The following OMA1 variants were observed in gnomAD, a reference collection of about 807,000 sequenced individuals.
The protein encoded by OMA1 is metalloendopeptidase OMA1, mitochondrial.
A neutral mutation model predicts 30.9 loss-of-function variants in OMA1; 38 were observed. That is an observed-to-expected ratio of 1.23 (90% CI 0.95 to 1.61). The LOEUF (loss-of-function observed/expected upper bound fraction) is 1.61. Among genes scored for constraint, OMA1 ranks in the 40% most tolerant of loss-of-function variants. OMA1 has a pLI of 0.00. For synonymous variants in OMA1, 173 were observed against 121.9 expected, an observed-to-expected ratio of 1.42 and a Z score of -2.76; for missense variants, 461 against 349.2, an observed-to-expected ratio of 1.32 and a Z score of -2.55.
At chr1:58,494,662 GA>G (rs1283860895) in intron 8 of OMA1, among the ~76,000 whole-genome samples, 1 of 151,984 alleles carries the variant, frequency 6.6e-6, no homozygotes, top group Admixed American at 6.6e-5. Context: ...AAAGACACAT[GA>G]AAAAATGCTC....
chr1:58,518,006 G>A (rs1646184199), intron 7 of OMA1, among the ~76,000 whole-genome samples: 1 of 151,298 alleles, frequency 6.6e-6, no homozygotes. Context: ...GCCCAACATG[G>A]AGAAACCCCG....
chr1:58,493,959 AG>A (rs1645747649), intron 8 of OMA1, among the ~76,000 whole-genome samples: 1 of 146,714 alleles, frequency 6.8e-6, no homozygotes, highest in African/African-American at 2.5e-5. Flanking sequence ...CTCATTGCCA[AG>A]TCAATCCTAA....
chr1:58,514,930 C>T (rs1006316421), intron 7 of OMA1, among the ~76,000 whole-genome samples: 5 of 152,114 alleles, frequency 3.3e-5, no homozygotes, highest in Non-Finnish European at 5.9e-5. Context: ...TCAGGTTTAC[C>T]TATACCTCAC....
chr1:58,542,317 T>C (rs1215574006), intron 1 of OMA1, among the ~76,000 whole-genome samples: 1 of 152,244 alleles, frequency 6.6e-6, no homozygotes, highest in Non-Finnish European at 1.5e-5. Context: ...TCACAATTCA[T>C]ACTGGAGTAG....
intron 6 of OMA1, among the ~76,000 whole-genome samples, chr1:58,527,817 A>C (rs1051157907): frequency 2.0e-5 from 3 of 152,208 alleles, no homozygotes; most frequent in African/African-American, 7.2e-5. Flanking sequence ...AAATTATCTT[A>C]ATTTCCTTTT....
In OMA1 at chr1:58,506,153, A is replaced by G. The variant is rs749524865; in HGVS notation, c.1272T>C (p.Asp424=). 28 of 872,330 alleles carry G rather than the reference A, an allele frequency of 3.2e-5. 1 individual carries two copies. In the Admixed American group the frequency reaches 4.1e-4, roughly 13 times the overall value. 54.0% of individuals were successfully genotyped at this position (872,330 alleles called of 1,614,324 possible). The change falls in exon 8 of 9, where the codon GAT becomes GAC. Residue 424 remains aspartate (D), a synonymous_variant. Transcript: ENST00000371226. ...SVFWQQMEFV[D]SLHGQPKMPE... is the part of the protein sequence containing the mutation. ...GCATCTTGGGTTGGCCATGCAGGCT[A>G]TCAACGAACTCCATTTGCTGCCAAA...
At chr1:58,495,904 T>C (rs915178005) in intron 8 of OMA1, among the ~76,000 whole-genome samples, 2 of 152,322 alleles carry the variant, frequency 1.3e-5, no homozygotes, top group South Asian at 4.1e-4. Flanking sequence ...CCTTTTTACC[T>C]AGGTAGCTTG....
intron 7 of OMA1, among the ~76,000 whole-genome samples, chr1:58,520,325 C>T (rs1445279521): frequency 6.6e-6 from 1 of 152,182 alleles, no homozygotes; most frequent in Admixed American, 6.5e-5. Flanking sequence ...TGACAAAGAA[C>T]TTGCACCTAG....
intron 8 of OMA1, among the ~76,000 whole-genome samples, chr1:58,499,502 A>ATAGATAGATAGC (rs1645866236): frequency 6.8e-6 from 1 of 146,614 alleles, no homozygotes; most frequent in African/African-American, 2.6e-5. Flanking sequence ...AGATAGATAG[A>ATAGATAGATAGC]TAGATAAATA....
rs988420071 is a variant in OMA1 at position 58,488,602 on chromosome 1, C to G, written c.1366-7428G>C. 4.6e-5 allele frequency among the ~76,000 whole-genome samples: 7 copies of G among 152,282 alleles called. No homozygotes were observed. In the Middle Eastern group the frequency reaches 0.01, roughly 222 times the overall value. On this transcript the variant is annotated intron_variant, in intron 8 of 8. Coordinates refer to ENST00000371226, the MANE Select transcript of OMA1 (RefSeq NM_145243.5). ...GAGTAGCTGGGATTACAGGCATGAGCCACCATGTCTCGCTAATTTTTGTAT... is the reference window on the plus strand; with the variant it reads ...GAGTAGCTGGGATTACAGGCATGAGGCACCATGTCTCGCTAATTTTTGTAT...
intron 8 of OMA1, among the ~76,000 whole-genome samples, chr1:58,493,096 G>A (rs993276061): frequency 3.3e-5 from 5 of 152,178 alleles, no homozygotes; most frequent in Non-Finnish European, 5.9e-5. Context: ...TCCCTGGGAT[G>A]CAAGGCTGGT....
chr1:58,529,480 TTATACA>T (rs1402530396), intron 6 of OMA1, among the ~76,000 whole-genome samples: 1 of 152,240 alleles, frequency 6.6e-6, no homozygotes, highest in African/African-American at 2.4e-5. Context: ...GAGATGATTA[TTATACA>T]TAAGCACTAA....
At chr1:58,498,255 A>C (rs1364616594) in intron 8 of OMA1, among the ~76,000 whole-genome samples, 1 of 151,008 alleles carries the variant, frequency 6.6e-6, no homozygotes, top group Non-Finnish European at 1.5e-5. Flanking sequence ...AAAAAAAAAC[A>C]ACTTTTTCCA....
chr1:58,512,322 C>A (rs1004285331), intron 7 of OMA1, among the ~76,000 whole-genome samples: 1 of 152,030 alleles, frequency 6.6e-6, no homozygotes, highest in African/African-American at 2.4e-5. Context: ...ATGGTGTGGA[C>A]TTTATGAAAA....
chr1:58,537,871 A>G (rs1271762439), intron 2 of OMA1, among the ~76,000 whole-genome samples: 1 of 152,192 alleles, frequency 6.6e-6, no homozygotes, highest in Admixed American at 6.5e-5. Flanking sequence ...ATTTTAGGTG[A>G]TCAACAATAG....
At chr1:58,534,721 G>C (rs1646489933) in intron 3 of OMA1, among the ~76,000 whole-genome samples, 1 of 152,218 alleles carries the variant, frequency 6.6e-6, no homozygotes, top group Non-Finnish European at 1.5e-5. Context: ...GATCACCTCA[G>C]CTCAGAAGTT....
In OMA1 at chr1:58,539,066, T is replaced by G. The variant is rs759534014; in HGVS notation, c.229A>C (p.Lys77Gln). 1.1e-6 allele frequency: 1 copy of G among 872,848 alleles called. No homozygotes were observed. The highest frequency in any genetic ancestry group is 1.7e-5 in the Admixed American group (1 of 59,164). 54.1% of individuals were successfully genotyped at this position (872,848 alleles called of 1,614,324 possible). Reference sequence around the variant, plus strand: ...GTACTTGAGAGGCCTCCTGTTCTTTTGTTGTTAAAAGTACTATAAAAATGA... The same window carrying G: ...GTACTTGAGAGGCCTCCTGTTCTTTGGTTGTTAAAAGTACTATAAAAATGA... Reference protein sequence around the residue: ...NFHFYSTFNNKRTGGLSSTKS... With the variant: ...NFHFYSTFNNQRTGGLSSTKS... Residue 77 changes from lysine (K) to glutamine (Q), a missense_variant, in exon 2 of 9, where the codon AAA becomes CAA. Physicochemically the swap from Lys to Gln is moderately conservative, Grantham distance 53. Transcript: ENST00000371226.
chr1:58,495,254 C>A (rs1196640026), intron 8 of OMA1, among the ~76,000 whole-genome samples: 1 of 152,238 alleles, frequency 6.6e-6, no homozygotes, highest in East Asian at 1.9e-4. Context: ...GAACATCACA[C>A]ACAGGGGTCT....
chr1:58,491,885 G>A (rs1645699397), intron 8 of OMA1, among the ~76,000 whole-genome samples: 1 of 152,116 alleles, frequency 6.6e-6, no homozygotes, highest in African/African-American at 2.4e-5. Context: ...GGATATCCAG[G>A]AATTGAACTC....
Sources: gnomAD v4.1 joint callset for allele counts (sites outside exome capture counted in the v4.1 genomes callset) on GRCh38, gnomAD v4.1.1 for gene constraint, MANE v1.5 for transcripts, NCBI Gene and HGNC (gene_info 2026-07-23, HGNC 2026-07-21) for gene names.